SLC24A3: variants seen among roughly 807,000 people sequenced by gnomAD.
SLC24A3 encodes the protein solute carrier family 24 member 3.
In SLC24A3, 28 loss-of-function variants were observed where a neutral mutation model predicts 75.8. The observed-to-expected ratio is 0.37, with a 90% CI of 0.27 to 0.51. SLC24A3 has a LOEUF of 0.51. Among genes scored for constraint, SLC24A3 ranks in the 20% least tolerant of loss-of-function variants. The probability of loss-of-function intolerance (pLI) is 0.94; values close to 1 mark genes in which losing one functional copy is unlikely to be tolerated. For synonymous variants in SLC24A3, 372 were observed against 334.1 expected (o/e 1.11, Z -1.24); for missense variants, 663 against 847.8 (o/e 0.78, Z 2.71).
chr20:19,533,550 G>A (rs1415936446), intron 3 of SLC24A3, among the ~76,000 whole-genome samples: 1 of 151,128 alleles, frequency 6.6e-6, no homozygotes, highest in African/African-American at 2.4e-5. Flanking sequence ...TCAAGGAAGG[G>A]TATCCCAGGC....
intron 1 of SLC24A3, among the ~76,000 whole-genome samples, chr20:19,226,969 C>T (rs1481870877): frequency 6.6e-6 from 1 of 152,106 alleles, no homozygotes; most frequent in Non-Finnish European, 1.5e-5. Flanking sequence ...ACAATCTCTG[C>T]CGGTTTCTTT....
intron 2 of SLC24A3, among the ~76,000 whole-genome samples, chr20:19,453,335 G>A (rs1987523527): frequency 6.6e-6 from 1 of 152,154 alleles, no homozygotes; most frequent in African/African-American, 2.4e-5. Context: ...AGCCTGGGTG[G>A]CAGAGTCAGA....
At chr20:19,268,693 A>C (rs1348016255) in intron 1 of SLC24A3, among the ~76,000 whole-genome samples, 1 of 152,242 alleles carries the variant, frequency 6.6e-6, no homozygotes, top group East Asian at 1.9e-4. Flanking sequence ...TTCTTGGTCA[A>C]CTTGAGTTGT....
chr20:19,673,594 C>T lies in SLC24A3; in HGVS notation c.714-7C>T, dbSNP rs2032492940. 1.2e-6 allele frequency: 2 copies of T among 1,613,468 alleles called. No individual in the cohort carries two copies. Among genetic ancestry groups the T allele is most frequent in the East Asian group, 2.2e-5 (1 of 44,890 alleles). Reference sequence around the variant, plus strand: ...ACTGTCTTTAACTGTTCTTGGTTTACACACAGGTGGGAGTCTTTAGTCCTT... The same window carrying T: ...ACTGTCTTTAACTGTTCTTGGTTTATACACAGGTGGGAGTCTTTAGTCCTT... On this transcript the variant is annotated splice_polypyrimidine_tract_variant and splice_region_variant and intron_variant, in intron 8 of 16. Coordinates refer to ENST00000328041, the MANE Select transcript of SLC24A3 (RefSeq NM_020689.4).
chr20:19,459,595 T>C (rs1362517543), intron 2 of SLC24A3, among the ~76,000 whole-genome samples: 1 of 152,262 alleles, frequency 6.6e-6, no homozygotes, highest in Non-Finnish European at 1.5e-5. Context: ...ACCTTCATAC[T>C]ATGGAACCTT....
intron 1 of SLC24A3, among the ~76,000 whole-genome samples, chr20:19,225,032 G>A (rs914178149): frequency 5.3e-5 from 8 of 152,180 alleles, no homozygotes; most frequent in African/African-American, 1.9e-4. Flanking sequence ...AACACTGGCT[G>A]TTGGAATGCT....
intron 3 of SLC24A3, among the ~76,000 whole-genome samples, chr20:19,539,718 A>G (rs569034138): frequency 6.6e-6 from 1 of 152,216 alleles, no homozygotes; most frequent in Non-Finnish European, 1.5e-5. Context: ...ATCAAGTTTC[A>G]TGTGACACAG....
intron 7 of SLC24A3, among the ~76,000 whole-genome samples, chr20:19,663,432 TCC>T (rs2032357365): frequency 1.4e-5 from 1 of 71,918 alleles, no homozygotes; most frequent in African/African-American, 9.2e-5. Flanking sequence ...CTCCTCCTCC[TCC>T]GCCTTCTCAT....
chr20:19,630,821 A>G (rs891874327), intron 6 of SLC24A3, among the ~76,000 whole-genome samples: 1 of 152,232 alleles, frequency 6.6e-6, no homozygotes, highest in Non-Finnish European at 1.5e-5. Flanking sequence ...GGATGAAAAC[A>G]TACCCTAGGA....
chr20:19,697,289 C>T (rs1316143872), intron 14 of SLC24A3, among the ~76,000 whole-genome samples: 2 of 152,292 alleles, frequency 1.3e-5, no homozygotes, highest in South Asian at 4.2e-4. Flanking sequence ...TATCACCATC[C>T]TCCTATTATT....
At chr20:19,512,581 C>T (rs2029903126) in intron 2 of SLC24A3, among the ~76,000 whole-genome samples, 1 of 152,238 alleles carries the variant, frequency 6.6e-6, no homozygotes, top group African/African-American at 2.4e-5. Context: ...AATTGAAACT[C>T]AGAATGCCTG....
chr20:19,442,094 T>A (rs1046563485), intron 2 of SLC24A3, among the ~76,000 whole-genome samples: 1 of 152,234 alleles, frequency 6.6e-6, no homozygotes, highest in African/African-American at 2.4e-5. Flanking sequence ...AATTTGTTTA[T>A]TCATTCACCT....
intron 2 of SLC24A3, among the ~76,000 whole-genome samples, chr20:19,286,803 C>G (rs1983829344): frequency 6.6e-6 from 1 of 152,116 alleles, no homozygotes; most frequent in Non-Finnish European, 1.5e-5. Flanking sequence ...TTTATTTGAC[C>G]AAATGTTTCC....
intron 6 of SLC24A3, among the ~76,000 whole-genome samples, chr20:19,616,644 A>G (rs2031740328): frequency 6.6e-6 from 1 of 152,178 alleles, no homozygotes; most frequent in African/African-American, 2.4e-5. Flanking sequence ...AATCACCCCC[A>G]AGAAAATGGG....
At chr20:19,295,389 T>C (rs1236221326) in intron 2 of SLC24A3, among the ~76,000 whole-genome samples, 5 of 152,208 alleles carry the variant, frequency 3.3e-5, no homozygotes, top group East Asian at 1.9e-4. Flanking sequence ...TCCACTACTA[T>C]GTTGAATAGG....
intron 2 of SLC24A3, among the ~76,000 whole-genome samples, chr20:19,378,181 T>G (rs1986119421): frequency 6.6e-6 from 1 of 152,096 alleles, no homozygotes; most frequent in East Asian, 1.9e-4. Flanking sequence ...AGGTTGAGCA[T>G]GGTCACAATT....
At chr20:19,503,397 T>C (rs1988415553) in intron 2 of SLC24A3, among the ~76,000 whole-genome samples, 1 of 152,226 alleles carries the variant, frequency 6.6e-6, no homozygotes, top group South Asian at 2.1e-4. Flanking sequence ...GCAAATGTTG[T>C]CCAAGAGATG....
At chr20:19,667,594 T>C (rs2122723607) in intron 8 of SLC24A3, among the ~76,000 whole-genome samples, 1 of 152,326 alleles carries the variant, frequency 6.6e-6, no homozygotes, top group Non-Finnish European at 1.5e-5. Flanking sequence ...GAAATGTGTG[T>C]GCAGCTGTTG....
At chr20:19,698,108 G>A (rs2032831660) in intron 14 of SLC24A3, among the ~76,000 whole-genome samples, 1 of 152,056 alleles carries the variant, frequency 6.6e-6, no homozygotes, top group African/African-American at 2.4e-5. Context: ...CAAGAGGGTG[G>A]GGGGAGGTGC....
Sources: gnomAD v4.1 joint callset for allele counts (sites outside exome capture counted in the v4.1 genomes callset) on GRCh38, gnomAD v4.1.1 for gene constraint, MANE v1.5 for transcripts, NCBI Gene and HGNC (gene_info 2026-07-23, HGNC 2026-07-21) for gene names.